PSD3: variants seen among roughly 807,000 people sequenced by gnomAD.
PSD3 encodes the protein pleckstrin and Sec7 domain containing 3, also known as PH and SEC7 domain-containing protein 3.
In PSD3, 49 loss-of-function variants were observed where a neutral mutation model predicts 105.5. The observed-to-expected ratio is 0.46, with a 90% CI of 0.37 to 0.59. The LOEUF is 0.59. Ranked by LOEUF, PSD3 falls within the 20% of genes least tolerant of loss-of-function variation. The pLI is 0.00. For missense variants in PSD3, 1,561 were observed against 1,263.8 expected, an observed-to-expected ratio of 1.24 and a Z score of -3.57; for synonymous variants, 557 against 457.8, an observed-to-expected ratio of 1.22 and a Z score of -2.77.
intron 15 of PSD3, among the ~76,000 whole-genome samples, chr8:18,553,424 A>G (rs1052692809): frequency 6.6e-6 from 1 of 152,238 alleles, no homozygotes; most frequent in Non-Finnish European, 1.5e-5. Flanking sequence ...CTGTTAAAAC[A>G]ATGAATACTA....
chr8:18,833,556 G>A (rs1813854359), intron 4 of PSD3, among the ~76,000 whole-genome samples: 1 of 152,200 alleles, frequency 6.6e-6, no homozygotes, highest in African/African-American at 2.4e-5. Flanking sequence ...AAGGCTCCAA[G>A]ACAAGCCAGT....
chr8:19,029,467 G>T (rs1322156047), intron 1 of PSD3, among the ~76,000 whole-genome samples: 4 of 152,134 alleles, frequency 2.6e-5, no homozygotes, highest in East Asian at 1.9e-4. Flanking sequence ...CAGCATGACT[G>T]GGGAGGCCTC....
intron 9 of PSD3, among the ~76,000 whole-genome samples, chr8:18,723,625 C>T (rs1165677977): frequency 2.6e-5 from 4 of 152,182 alleles, no homozygotes; most frequent in South Asian, 2.1e-4. Flanking sequence ...TACCATCTCT[C>T]CCGAGGCCTT....
At chr8:18,932,539 A>C (rs1450128752) in intron 2 of PSD3, among the ~76,000 whole-genome samples, 1 of 152,232 alleles carries the variant, frequency 6.6e-6, no homozygotes, top group African/African-American at 2.4e-5. Flanking sequence ...AGAGGACTGC[A>C]CTAAAGCTGA....
chr8:18,866,703 G>C (rs1036856682), intron 4 of PSD3, among the ~76,000 whole-genome samples: 6 of 151,608 alleles, frequency 4.0e-5, no homozygotes, highest in Non-Finnish European at 8.8e-5. Flanking sequence ...CTTCAAACTG[G>C]TTATAGAAAA....
intron 11 of PSD3, among the ~76,000 whole-genome samples, chr8:18,619,575 A>C (rs1805955704): frequency 6.6e-6 from 1 of 151,882 alleles, no homozygotes; most frequent in Non-Finnish European, 1.5e-5. Context: ...CCCGGGAGGC[A>C]GAGGTTGTAG....
intron 9 of PSD3, among the ~76,000 whole-genome samples, chr8:18,734,843 C>G (rs978631822): frequency 1.1e-4 from 16 of 152,118 alleles, no homozygotes; most frequent in Non-Finnish European, 2.2e-4. Context: ...ATCATTTTTT[C>G]TCAAGCCAAA....
chr8:18,637,710 A>G (rs994463906), intron 10 of PSD3, among the ~76,000 whole-genome samples: 31 of 152,218 alleles, frequency 2.0e-4, no homozygotes, highest in Admixed American at 1.7e-3. Flanking sequence ...TCTAGTTTCT[A>G]TATTTTATTT....
At chr8:18,874,584 T>C (rs1225845240) in intron 2 of PSD3, among the ~76,000 whole-genome samples, 1 of 151,168 alleles carries the variant, frequency 6.6e-6, no homozygotes, top group African/African-American at 2.4e-5. Context: ...CTGCCTGTAA[T>C]CCCAGCTACT....
intron 9 of PSD3, among the ~76,000 whole-genome samples, chr8:18,690,206 G>T (rs1465510223): frequency 6.6e-6 from 1 of 152,160 alleles, no homozygotes; most frequent in African/African-American, 2.4e-5. Flanking sequence ...TACCAATAGC[G>T]TAGGAACTGG....
chr8:18,955,452 G>A (rs1040231358), intron 1 of PSD3, among the ~76,000 whole-genome samples: 5 of 151,928 alleles, frequency 3.3e-5, no homozygotes, highest in Non-Finnish European at 4.4e-5. Flanking sequence ...TTTTCATTTT[G>A]GTTACATATA....
At chr8:18,752,080 C>T (rs1021064925) in intron 9 of PSD3, among the ~76,000 whole-genome samples, 8 of 150,852 alleles carry the variant, frequency 5.3e-5, no homozygotes, top group East Asian at 2.0e-4. Flanking sequence ...CCCAGCTACT[C>T]GGGAGGCTGT....
intron 1 of PSD3, among the ~76,000 whole-genome samples, chr8:19,004,763 T>C (rs1358293667): frequency 6.6e-6 from 1 of 152,152 alleles, no homozygotes; most frequent in South Asian, 2.1e-4. Flanking sequence ...TGGAAGGTAA[T>C]TGAATTACCG....
At chr8:19,035,418 G>A (rs934096723) in intron 1 of PSD3, among the ~76,000 whole-genome samples, 10 of 152,026 alleles carry the variant, frequency 6.6e-5, no homozygotes, top group Non-Finnish European at 1.5e-5. Flanking sequence ...TAATGCTAGT[G>A]TTATCATAAA....
intron 9 of PSD3, among the ~76,000 whole-genome samples, chr8:18,691,464 C>A (rs1399179566): frequency 6.6e-6 from 1 of 152,208 alleles, no homozygotes; most frequent in African/African-American, 2.4e-5. Context: ...GCTACAGGGC[C>A]TTCCGGAGAT....
chr8:18,815,730 C>T (rs972513924), intron 4 of PSD3, among the ~76,000 whole-genome samples: 3 of 151,716 alleles, frequency 2.0e-5, no homozygotes, highest in Non-Finnish European at 4.4e-5. Flanking sequence ...CCTGCTGACA[C>T]ACCCACTGAC....
chr8:18,567,605 A>C (rs1319290312), intron 14 of PSD3, among the ~76,000 whole-genome samples: 3 of 152,208 alleles, frequency 2.0e-5, no homozygotes, highest in Admixed American at 6.5e-5. Context: ...GTTAATGATA[A>C]TTATGAATTA....
At chr8:18,949,763 T>C (rs1823123362) in intron 1 of PSD3, among the ~76,000 whole-genome samples, 1 of 152,126 alleles carries the variant, frequency 6.6e-6, no homozygotes, top group African/African-American at 2.4e-5. Context: ...AAGGACAAGG[T>C]AAAGAGGGGC....
chr8:18,600,071 G>A (rs527923392), intron 12 of PSD3, among the ~76,000 whole-genome samples: 23 of 152,312 alleles, frequency 1.5e-4, no homozygotes, highest in African/African-American at 5.5e-4. Flanking sequence ...TGTCTATTAA[G>A]TGATTAAAGG....
Sources: allele counts gnomAD v4.1 joint callset (sites outside exome capture counted in the v4.1 genomes callset), GRCh38; gene constraint gnomAD v4.1.1; transcripts MANE v1.5; gene names NCBI Gene and HGNC (gene_info 2026-07-23, HGNC 2026-07-21).